EXT1: variants seen among roughly 807,000 people sequenced by gnomAD.
EXT1 encodes the protein exostosin-1.
EXT1 carries 20 observed loss-of-function variants against 82.5 expected under a neutral mutation model. The ratio of observed to expected loss-of-function variants is 0.24; its 90% CI spans 0.17 to 0.35. The LOEUF is 0.35. EXT1 is among the 10% of genes least tolerant of loss of function. The pLI is 1.00. For synonymous variants in EXT1, 348 were observed against 350.8 expected (o/e 0.99, Z 0.09); for missense variants, 757 against 936.5 (o/e 0.81, Z 2.50).
intron 1 of EXT1, among the ~76,000 whole-genome samples, chr8:118,028,621 A>C (rs1453617734): frequency 1.3e-5 from 2 of 151,990 alleles, no homozygotes; most frequent in East Asian, 3.8e-4. Context: ...ATAAAAAGGA[A>C]AAAATAAAAT....
intron 1 of EXT1, among the ~76,000 whole-genome samples, chr8:117,919,733 G>C (rs1813820919): frequency 6.6e-6 from 1 of 151,944 alleles, no homozygotes; most frequent in Non-Finnish European, 1.5e-5. Flanking sequence ...TTAACTCCTG[G>C]GTTCAAGTGA....
chr8:117,809,245 T>TATATATATATATA (rs1563874289), intron 8 of EXT1, among the ~76,000 whole-genome samples: 1 of 66,050 alleles, frequency 1.5e-5, no homozygotes, highest in African/African-American at 3.9e-5. Flanking sequence ...ATATATATAT[T>TATATATATATATA]ATGTTCTATT....
intron 1 of EXT1, among the ~76,000 whole-genome samples, chr8:118,057,712 G>A (rs1479496937): frequency 2.7e-5 from 4 of 149,534 alleles, no homozygotes; most frequent in South Asian, 2.1e-4. Flanking sequence ...GGTGGCTCAC[G>A]CCTGTAATCC....
chr8:117,934,390 TAG>T (rs1475033629), intron 1 of EXT1, among the ~76,000 whole-genome samples: 3 of 152,066 alleles, frequency 2.0e-5, no homozygotes, highest in Admixed American at 2.0e-4. Flanking sequence ...GCGCCTCTGG[TAG>T]AGAGAGAGGG....
At chr8:117,801,207 G>A (rs1303376331) in intron 10 of EXT1, among the ~76,000 whole-genome samples, 1 of 152,194 alleles carries the variant, frequency 6.6e-6, no homozygotes, top group Admixed American at 6.5e-5. Flanking sequence ...AACACTATTT[G>A]TAAAGTGTTT....
intron 1 of EXT1, among the ~76,000 whole-genome samples, chr8:117,890,707 T>C (rs960976423): frequency 1.1e-4 from 16 of 152,330 alleles, no homozygotes; most frequent in African/African-American, 3.4e-4. Flanking sequence ...TTAATAACAA[T>C]AGTCCTTCAT....
intron 1 of EXT1, among the ~76,000 whole-genome samples, chr8:117,967,185 A>T (rs1814836198): frequency 1.3e-5 from 2 of 152,244 alleles, no homozygotes; most frequent in South Asian, 4.1e-4. Context: ...GAAAAGAAGA[A>T]TTATGAGAAA....
At chr8:118,055,609 T>A (rs963795118) in intron 1 of EXT1, among the ~76,000 whole-genome samples, 4 of 152,216 alleles carry the variant, frequency 2.6e-5, no homozygotes, top group Non-Finnish European at 4.4e-5. Context: ...GGGCATGGTT[T>A]TCCAGGACAG....
intron 1 of EXT1, among the ~76,000 whole-genome samples, chr8:117,954,841 A>G (rs1008007075): frequency 1.2e-4 from 18 of 152,184 alleles, no homozygotes; most frequent in Admixed American, 6.5e-5. Context: ...AACCTACTTG[A>G]TATCTAATGA....
chr8:117,867,298 A>G (rs1410767422), intron 1 of EXT1, among the ~76,000 whole-genome samples: 2 of 150,956 alleles, frequency 1.3e-5, no homozygotes, highest in African/African-American at 4.9e-5. Flanking sequence ...ATAGCCCAGG[A>G]AAATGAGTGG....
intron 1 of EXT1, among the ~76,000 whole-genome samples, chr8:117,844,329 T>C (rs1203003316): frequency 6.6e-6 from 1 of 151,840 alleles, no homozygotes; most frequent in Non-Finnish European, 1.5e-5. Flanking sequence ...ATTTTTAAAC[T>C]TTTTGTAGAG....
At chr8:118,046,820 A>T (rs966099989) in intron 1 of EXT1, among the ~76,000 whole-genome samples, 1 of 152,224 alleles carries the variant, frequency 6.6e-6, no homozygotes, top group Non-Finnish European at 1.5e-5. Context: ...GGAAGAATGA[A>T]AAAGAAAAGA....
chr8:117,826,669 C>A (rs796539635), intron 4 of EXT1, among the ~76,000 whole-genome samples: 1 of 151,896 alleles, frequency 6.6e-6, no homozygotes, highest in South Asian at 2.1e-4. Context: ...CTGGGTAGTA[C>A]CTGTCATGCA....
At chr8:118,087,888 G>C (rs1817451815) in intron 1 of EXT1, among the ~76,000 whole-genome samples, 1 of 143,562 alleles carries the variant, frequency 7.0e-6, no homozygotes, top group African/African-American at 2.6e-5. Flanking sequence ...TATGGGGATT[G>C]TGTTATACAA....
chr8:117,947,481 C>T (rs145165379), intron 1 of EXT1, among the ~76,000 whole-genome samples: 26 of 152,264 alleles, frequency 1.7e-4, no homozygotes, highest in African/African-American at 5.8e-4. Context: ...CCTGAAAAAG[C>T]ACAAATCATC....
At position 117,794,840 on chromosome 8, in the gene EXT1, T is replaced by C. The variant is rs1223445664; in HGVS notation, c.*4872A>G. Reference sequence around the variant, plus strand: ...TACAAAATAAGGTATACTTTTGTTTTTTGCGTTACAATTTGCCACCTAAAA... The same window carrying C: ...TACAAAATAAGGTATACTTTTGTTTCTTGCGTTACAATTTGCCACCTAAAA... On this transcript the variant is annotated 3_prime_UTR_variant, in exon 11 of 11. Transcript: ENST00000378204. The C allele has an allele frequency of 6.6e-6, 1 of 152,250 alleles. No individual in the cohort carries two copies. The highest frequency in any genetic ancestry group is 2.4e-5 in the African/African-American group (1 of 41,466). 9.4% of individuals were successfully genotyped at this position (152,250 alleles called of 1,614,324 possible).
intron 1 of EXT1, among the ~76,000 whole-genome samples, chr8:117,989,989 T>A (rs1490452061): frequency 2.0e-5 from 3 of 152,148 alleles, no homozygotes; most frequent in African/African-American, 4.8e-5. Context: ...CTGGCCAACA[T>A]GGTGAAACAC....
At position 118,002,329 on chromosome 8, in the gene EXT1, C is replaced by G. The variant is rs948155933; in HGVS notation, c.962+107756G>C. ...CTGGGAGGCAGAGGTTGCAGTGAGT[C>G]GAGATAGCACCATTGCACTCTAGCC... On this transcript the variant is annotated intron_variant, in intron 1 of 10. Coordinates refer to ENST00000378204, the MANE Select transcript of EXT1 (RefSeq NM_000127.3). 6.6e-5 allele frequency among the ~76,000 whole-genome samples: 9 copies of G among 137,072 alleles called. No homozygotes were observed. In the East Asian group the frequency reaches 1.8e-3, roughly 27 times the overall value. 89.9% of individuals were successfully genotyped at this position (137,072 alleles called of 152,430 possible).
chr8:117,814,922 T>C (rs1811775697), intron 7 of EXT1, among the ~76,000 whole-genome samples: 2 of 152,298 alleles, frequency 1.3e-5, no homozygotes, highest in African/African-American at 2.4e-5. Context: ...AGGACTTTAA[T>C]GCATGGACAG....
Sources: gnomAD v4.1 joint callset for allele counts (sites outside exome capture counted in the v4.1 genomes callset) on GRCh38, gnomAD v4.1.1 for gene constraint, MANE v1.5 for transcripts, NCBI Gene and HGNC (gene_info 2026-07-23, HGNC 2026-07-21) for gene names.